Variants in LDHC observed in about 807,000 individuals in gnomAD.
LDHC encodes the protein lactate dehydrogenase C.
A neutral mutation model predicts 30.2 loss-of-function variants in LDHC; 20 were observed. That is an observed-to-expected ratio of 0.66 (90% CI 0.47 to 0.96). The LOEUF is 0.96. Among genes scored for constraint, LDHC ranks in the 40% least tolerant of loss-of-function variants. LDHC has a pLI of 0.00. For synonymous variants in LDHC, 139 were observed against 132.7 expected, an observed-to-expected ratio of 1.05 and a Z score of -0.32; for missense variants, 362 against 394.9, an observed-to-expected ratio of 0.92 and a Z score of 0.71.
chr11:18,427,500 C>G (rs979697030), intron 3 of LDHC, among the ~76,000 whole-genome samples: 17 of 152,072 alleles, frequency 1.1e-4, no homozygotes, highest in Non-Finnish European at 2.2e-4. Context: ...GGAATACTGG[C>G]AGTTAGACCT....
intron 5 of LDHC, among the ~76,000 whole-genome samples, chr11:18,435,599 C>T (rs747263880): frequency 6.6e-6 from 1 of 152,086 alleles, no homozygotes; most frequent in Admixed American, 6.6e-5. Flanking sequence ...TCAGGTATTT[C>T]TTTATAGCAA....
chr11:18,420,293 A>G (rs186893409), intron 3 of LDHC, among the ~76,000 whole-genome samples: 33 of 152,346 alleles, frequency 2.2e-4, no homozygotes, highest in African/African-American at 7.5e-4. Flanking sequence ...GAAAAATATC[A>G]ACCCACAGAT....
chr11:18,433,791 G>C (rs1848310213), intron 4 of LDHC, among the ~76,000 whole-genome samples: 2 of 152,148 alleles, frequency 1.3e-5, no homozygotes, highest in Non-Finnish European at 2.9e-5. Context: ...AGGTCTTTTT[G>C]CGATGAATTT....
At chr11:18,412,942 G>A in intron 2 of LDHC, 99 bp downstream of exon 2, 1 of 1,054,786 alleles carries the variant, frequency 9.5e-7, no homozygotes, top group Non-Finnish European at 1.3e-6. Flanking sequence ...TCCCTTGAAA[G>A]CAATTATGTA....
At chr11:18,418,424 C>A (rs1186292581) in intron 3 of LDHC, among the ~76,000 whole-genome samples, 1 of 150,132 alleles carries the variant, frequency 6.7e-6, no homozygotes, top group Non-Finnish European at 1.5e-5. Flanking sequence ...AAGAGTATTA[C>A]TATTTTATTT....
chr11:18,413,271 T>G (rs1376131600), intron 2 of LDHC, among the ~76,000 whole-genome samples: 1 of 151,164 alleles, frequency 6.6e-6, no homozygotes, highest in East Asian at 2.0e-4. Flanking sequence ...TTAGTAGAGA[T>G]GGGGTTTCTC....
chr11:18,414,185 T>C (rs985409159), intron 2 of LDHC, among the ~76,000 whole-genome samples: 1 of 152,240 alleles, frequency 6.6e-6, no homozygotes, highest in Non-Finnish European at 1.5e-5. Context: ...AGATGTAATC[T>C]TCCGTCTTCC....
intron 5 of LDHC, among the ~76,000 whole-genome samples, 166 bp downstream of exon 5, chr11:18,435,079 C>T (rs1207626579): frequency 6.6e-6 from 1 of 152,134 alleles, no homozygotes; most frequent in African/African-American, 2.4e-5. Flanking sequence ...TCTTTTGCAT[C>T]ATTGATTTAG....
chr11:18,412,983 C>T, intron 2 of LDHC, 140 bp downstream of exon 2: 1 of 357,254 alleles, frequency 2.8e-6, no homozygotes, highest in East Asian at 3.6e-5. Flanking sequence ...CCCTCCCTCC[C>T]TCCCTTCCTT....
intron 6 of LDHC, among the ~76,000 whole-genome samples, chr11:18,439,832 A>AAAAAAAAAAAAAAAAAAAT (rs1848431151): frequency 7.2e-6 from 1 of 138,722 alleles, no homozygotes; most frequent in African/African-American, 2.6e-5. Context: ...AAAAAAAAAA[A>AAAAAAAAAAAAAAAAAAAT]AAAACAAAAA....
chr11:18,448,009 AC>A (rs1177253388), intron 7 of LDHC, among the ~76,000 whole-genome samples: 1 of 148,056 alleles, frequency 6.8e-6, no homozygotes, highest in Non-Finnish European at 1.5e-5. Flanking sequence ...AGATTGTGTC[AC>A]TGCACTCCAG....
Position 18,422,238 on chromosome 11 carries a change from C to T in LDHC, c.244+6937C>T, listed in dbSNP as rs1848074152. 5.4e-5 allele frequency among the ~76,000 whole-genome samples: 8 copies of T among 148,434 alleles called. No individual in the cohort carries two copies. The Admixed American group carries it at 5.5e-4, about 10-fold the overall frequency. ...ACAGCATATAAAACTAAAAGTTTAGCAAGGATGACAGACAAAGTTAGTAAT... is the reference window on the plus strand; with the variant it reads ...ACAGCATATAAAACTAAAAGTTTAGTAAGGATGACAGACAAAGTTAGTAAT... On this transcript the variant is annotated intron_variant, in intron 3 of 7. Coordinates refer to ENST00000541669, the MANE Select transcript of LDHC (RefSeq NM_017448.5).
intron 6 of LDHC, among the ~76,000 whole-genome samples, chr11:18,444,651 C>CATATATATATATAT (rs1848524997): frequency 1.3e-5 from 1 of 78,092 alleles, no homozygotes; most frequent in Non-Finnish European, 3.0e-5. Flanking sequence ...TATATATATG[C>CATATATATATATAT]CTTATCTTGG....
intron 4 of LDHC, among the ~76,000 whole-genome samples, chr11:18,431,558 T>G (rs567889569): frequency 6.6e-6 from 1 of 152,320 alleles, no homozygotes; most frequent in East Asian, 1.9e-4. Context: ...TTTTGTTTTT[T>G]TGTTTTTGAG....
chr11:18,425,318 A>G (rs1848143192), intron 3 of LDHC, among the ~76,000 whole-genome samples: 1 of 151,884 alleles, frequency 6.6e-6, no homozygotes, highest in Non-Finnish European at 1.5e-5. Flanking sequence ...CAGAGGACAA[A>G]TGTGAACTAG....
intron 6 of LDHC, among the ~76,000 whole-genome samples, chr11:18,442,748 C>A (rs1229443673): frequency 1.3e-5 from 2 of 150,280 alleles, no homozygotes; most frequent in Non-Finnish European, 3.0e-5. Context: ...CTGCAACCTC[C>A]GCCTCCTGGG....
chr11:18,413,511 G>T (rs1866941827), intron 2 of LDHC, among the ~76,000 whole-genome samples: 1 of 147,082 alleles, frequency 6.8e-6, no homozygotes, highest in African/African-American at 2.5e-5. Flanking sequence ...TTGCCAGGCT[G>T]GAGTGCAGCG....
chr11:18,445,922 C>T (rs1466598734), intron 6 of LDHC, among the ~76,000 whole-genome samples: 1 of 152,062 alleles, frequency 6.6e-6, no homozygotes, highest in East Asian at 1.9e-4. Flanking sequence ...TTGCAGTGAG[C>T]CATGATCACA....
chr11:18,438,050 GAA>G (rs1008510142), intron 5 of LDHC, among the ~76,000 whole-genome samples: 1 of 142,942 alleles, frequency 7.0e-6, no homozygotes, highest in Non-Finnish European at 1.5e-5. Flanking sequence ...GAGTGAAAAA[GAA>G]AAAAAAAACA....
Sources: gnomAD v4.1 joint callset for allele counts (sites outside exome capture counted in the v4.1 genomes callset) on GRCh38, gnomAD v4.1.1 for gene constraint, MANE v1.5 for transcripts, NCBI Gene and HGNC (gene_info 2026-07-23, HGNC 2026-07-21) for gene names.